TRIM2: variants seen among roughly 807,000 people sequenced by gnomAD.
TRIM2 encodes the protein tripartite motif containing 2.
A neutral mutation model predicts 75.2 loss-of-function variants in TRIM2; 20 were observed. That is an observed-to-expected ratio of 0.27 (90% confidence interval 0.19 to 0.39). TRIM2 has a LOEUF of 0.39. TRIM2 is among the 10% of genes least tolerant of loss of function. TRIM2 has a pLI of 1.00. For synonymous variants in TRIM2, 373 were observed against 388.3 expected (o/e 0.96, Z 0.46); for missense variants, 660 against 990.8 (o/e 0.67, Z 4.48).
In TRIM2 at chr4:153,210,584, G is replaced by A. The variant is rs374068847; in HGVS notation, c.30+6024G>A. On this transcript the variant is annotated intron_variant, in intron 1 of 11. Transcript: ENST00000338700. ...CAGGTTATTCCACTGGGGACCAAAA[G>A]GAAGGAACTAGAGCTCTCAAAATAT... Among the ~76,000 whole-genome samples the A allele has an allele frequency of 1.2e-4, 19 of 152,292 alleles. No individual in the cohort carries two copies. The South Asian group carries it at 3.1e-3, about 25-fold the overall frequency.
intron 1 of TRIM2, among the ~76,000 whole-genome samples, chr4:153,186,868 G>A (rs1465513509): frequency 6.6e-6 from 1 of 152,206 alleles, no homozygotes; most frequent in Non-Finnish European, 1.5e-5. Context: ...AGCCTAAAGG[G>A]AGAACAGATT....
intron 6 of TRIM2, among the ~76,000 whole-genome samples, chr4:153,305,624 A>G (rs1354520766): frequency 6.6e-6 from 1 of 152,218 alleles, no homozygotes; most frequent in Non-Finnish European, 1.5e-5. Context: ...GAAAAGCTGA[A>G]GGATAAGTGA....
At chr4:153,270,268 G>C in intron 1 of TRIM2, 67 bp from the exon 2 acceptor site, 1 of 1,527,850 alleles carries the variant, frequency 6.5e-7, no homozygotes, top group African/African-American at 1.4e-5. Context: ...TATGGTGAAA[G>C]AGCCAGTGAT....
intron 1 of TRIM2, among the ~76,000 whole-genome samples, chr4:153,193,785 G>A (rs1182350225): frequency 6.6e-6 from 1 of 152,102 alleles, no homozygotes; most frequent in Non-Finnish European, 1.5e-5. Flanking sequence ...ATTTGGGCTG[G>A]GGCGAGCCAC....
intron 1 of TRIM2, among the ~76,000 whole-genome samples, chr4:153,241,176 A>G (rs1015418742): frequency 6.6e-6 from 1 of 152,230 alleles, no homozygotes; most frequent in Non-Finnish European, 1.5e-5. Flanking sequence ...CCCTTCTACA[A>G]GAGCTCAAAG....
Position 153,322,818 on chromosome 4 carries a change from T to C in TRIM2, c.1951+2T>C. The C allele has an allele frequency of 6.2e-7, 1 of 1,614,182 alleles. No homozygotes were observed. Among genetic ancestry groups the C allele is most frequent in the Non-Finnish European group, 8.5e-7 (1 of 1,180,024 alleles). ...GAAATGGGGACAGGCAGTTTGCAGG[T>C]ACACTCGATGGTAATATGTAAACCC... is the stretch of plus-strand genomic sequence containing the variant. On this transcript the variant is annotated splice_donor_variant, in intron 9 of 11. Transcript: ENST00000338700. LOFTEE classifies it high-confidence loss of function.
chr4:153,255,260 T>C (rs13149594), intron 1 of TRIM2, among the ~76,000 whole-genome samples: 33,564 of 152,152 alleles, frequency 0.22, 4,117 homozygotes, highest in African/African-American at 0.33. Flanking sequence ...GAATGAATGA[T>C]TGAATGAGTA....
chr4:153,194,003 A>C (rs1733505442), intron 1 of TRIM2, among the ~76,000 whole-genome samples: 1 of 152,216 alleles, frequency 6.6e-6, no homozygotes, highest in African/African-American at 2.4e-5. Context: ...AGAAGCCTGG[A>C]CAAACTGAAT....
intron 1 of TRIM2, among the ~76,000 whole-genome samples, chr4:153,196,213 C>A (rs942072971): frequency 3.9e-5 from 6 of 152,032 alleles, no homozygotes; most frequent in African/African-American, 1.2e-4. Flanking sequence ...TGGCTTGAGC[C>A]CAGGAGTTTG....
In TRIM2 at chr4:153,320,540, T is replaced by C. The variant is rs570305572; in HGVS notation, c.1783-2108T>C. ...TCTCACTTTTCCTTCCAGAAGTCTA[T>C]GTACATACATGCACACATATAACAC... On this transcript the variant is annotated intron_variant, in intron 8 of 11. Coordinates refer to ENST00000338700, the MANE Select transcript of TRIM2 (RefSeq NM_015271.5). Among the ~76,000 whole-genome samples the C allele has an allele frequency of 4.7e-4, 72 of 152,360 alleles. No individual in the cohort carries two copies. In the South Asian group the frequency reaches 8.5e-3, roughly 18 times the overall value.
chr4:153,334,777 T>G (rs1772247585), intron 11 of TRIM2, 37 bp from the exon 12 acceptor site: 8 of 1,558,728 alleles, frequency 5.1e-6, no homozygotes, highest in Non-Finnish European at 6.2e-6. Context: ...TTACTATAAC[T>G]TCTCCTATAA....
At position 153,337,097 on chromosome 4, in the gene TRIM2, G is replaced by C. The variant is rs1772540447; in HGVS notation, c.*2131G>C. 1.0e-6 allele frequency: 1 copy of C among 985,242 alleles called. No homozygotes were observed. Among genetic ancestry groups the C allele is most frequent in the African/African-American group, 1.7e-5 (1 of 57,224 alleles). The allele number at this position is 985,242 out of a possible 1,614,324, so 61.0% of individuals were successfully genotyped here. ...CATTCTGGGGTGGGAATTTCATTTT[G>C]CCACGTACTAACGTTCTGCACAAAA... On this transcript the variant is annotated 3_prime_UTR_variant, in exon 12 of 12. Transcript: ENST00000338700.
At position 153,338,620 on chromosome 4, in the gene TRIM2, A is replaced by C. The variant is rs912012101; in HGVS notation, c.*3654A>C. ...ATCAAAGATTTGTTTGGTATAAATA[A>C]AGAATTATTTGTTTTGTTTTCAATG... On this transcript the variant is annotated 3_prime_UTR_variant, in exon 12 of 12. Coordinates refer to ENST00000338700, the MANE Select transcript of TRIM2 (RefSeq NM_015271.5). The C allele has an allele frequency of 4.8e-5, 47 of 985,286 alleles. No homozygotes were observed. The African/African-American group carries it at 8.2e-4, about 17-fold the overall frequency. The allele number at this position is 985,286 out of a possible 1,614,324, so 61.0% of individuals were successfully genotyped here. A position where few individuals can be genotyped will look rare whatever the true frequency, so the allele number is the denominator to read the frequency against.
rs139802925 is a variant in TRIM2, at chr4:153,193,477, C to T, written c.-49+40207C>T. On this transcript the variant is annotated intron_variant, in intron 1 of 11. Transcript: ENST00000437508. ...GAAATCTATGAATGCAAGTAGAATTCTTTGTGGTGAGGAAGAGCACTTGAA... is the reference window on the plus strand; with the variant it reads ...GAAATCTATGAATGCAAGTAGAATTTTTTGTGGTGAGGAAGAGCACTTGAA... 4.7e-3 allele frequency among the ~76,000 whole-genome samples: 716 copies of T among 152,258 alleles called. 5 individuals are homozygous for T. Among genetic ancestry groups the T allele is most frequent in the Non-Finnish European group, 8.3e-3 (565 of 68,006 alleles).
intron 1 of TRIM2, among the ~76,000 whole-genome samples, chr4:153,154,968 C>T (rs1026744980): frequency 2.0e-5 from 3 of 152,070 alleles, no homozygotes; most frequent in African/African-American, 4.8e-5. Context: ...GGTGAAACTC[C>T]GTCTCTACTG....
intron 1 of TRIM2, among the ~76,000 whole-genome samples, chr4:153,171,843 T>C (rs1310612442): frequency 7.1e-6 from 1 of 141,550 alleles, no homozygotes; most frequent in Non-Finnish European, 1.6e-5. Context: ...TTTGGGGCTT[T>C]TTTTTTTTTT....
upstream of TRIM2, chr4:153,204,317 A>G (rs1734803133): frequency 1.7e-6 from 1 of 593,194 alleles, no homozygotes; most frequent in Admixed American, 2.9e-5. Flanking sequence ...GAAACACAAT[A>G]TCTTAAGCAA....
chr4:153,189,870 AG>A (rs1733006099), intron 1 of TRIM2, among the ~76,000 whole-genome samples: 1 of 152,246 alleles, frequency 6.6e-6, no homozygotes. Context: ...AAGATTCAAA[AG>A]AATGTAGTTT....
chr4:153,285,616 C>A (rs1308315684), intron 3 of TRIM2, among the ~76,000 whole-genome samples: 1 of 152,116 alleles, frequency 6.6e-6, no homozygotes, highest in Admixed American at 6.5e-5. Context: ...AGCCACCATG[C>A]CTAGCTGGGA....
Sources: gnomAD v4.1 joint callset for allele counts (sites outside exome capture counted in the v4.1 genomes callset) on GRCh38, gnomAD v4.1.1 for gene constraint, MANE v1.5 for transcripts, NCBI Gene and HGNC (gene_info 2026-07-23, HGNC 2026-07-21) for gene names.